Variants in FSTL4 observed in about 807,000 individuals in gnomAD.
FSTL4 encodes the protein follistatin-related protein 4.
Under a neutral mutation model 78.2 loss-of-function variants are expected in FSTL4, and 28 were observed. The observed-to-expected ratio is 0.36, with a 90% CI of 0.27 to 0.49. The LOEUF is 0.49. FSTL4 is among the 20% of genes least tolerant of loss of function. FSTL4 has a pLI of 0.98. For synonymous variants in FSTL4, 422 were observed against 440.5 expected, an observed-to-expected ratio of 0.96 and a Z score of 0.53; for missense variants, 922 against 1,084.9, an observed-to-expected ratio of 0.85 and a Z score of 2.11.
At chr5:133,830,068 C>T in the FSTL4 span, among the ~76,000 whole-genome samples, 1 of 152,176 alleles carries the variant, frequency 6.6e-6, no homozygotes, top group Non-Finnish European at 1.5e-5. Flanking sequence ...GAGGATGTTT[C>T]CCTGACATGC....
At chr5:133,660,711 T>A in the FSTL4 span, among the ~76,000 whole-genome samples, 1 of 152,232 alleles carries the variant, frequency 6.6e-6, no homozygotes. Context: ...ACTACTTTTC[T>A]ACAAAGCCTG....
At chr5:133,252,070 G>C (rs2126825533) in intron 6 of FSTL4, 1 of 152,444 alleles carries the variant, frequency 6.6e-6, no homozygotes, top group South Asian at 2.1e-4. Flanking sequence ...GAGAGCAGCT[G>C]GGACGTGGGG....
intron 11 of FSTL4, among the ~76,000 whole-genome samples, chr5:133,222,338 A>T (rs1751165439): frequency 6.6e-6 from 1 of 152,140 alleles, no homozygotes; most frequent in African/African-American, 2.4e-5. Context: ...GCCAAGAGTC[A>T]GTCTTAGCTC....
chr5:133,531,832 T>C (rs1031682949), intron 3 of FSTL4, among the ~76,000 whole-genome samples: 1 of 152,096 alleles, frequency 6.6e-6, no homozygotes, highest in African/African-American at 2.4e-5. Flanking sequence ...CTGGCATCCA[T>C]CCCCGTAGGA....
chr5:133,569,724 T>C (rs1760108566), intron 2 of FSTL4, among the ~76,000 whole-genome samples: 1 of 152,202 alleles, frequency 6.6e-6, no homozygotes, highest in South Asian at 2.1e-4. Context: ...ATGACTTACA[T>C]AGTAGATCTC....
At chr5:133,582,278 C>T (rs1008952380) in intron 2 of FSTL4, among the ~76,000 whole-genome samples, 3 of 152,188 alleles carry the variant, frequency 2.0e-5, no homozygotes, top group Non-Finnish European at 2.9e-5. Flanking sequence ...AGGGGCTCAC[C>T]TGCACCCCAG....
At chr5:133,520,866 A>C (rs1758965560) in intron 3 of FSTL4, among the ~76,000 whole-genome samples, 1 of 152,114 alleles carries the variant, frequency 6.6e-6, no homozygotes, top group Non-Finnish European at 1.5e-5. Flanking sequence ...GGTCTGAATC[A>C]CTGGAAAAGC....
the FSTL4 span, among the ~76,000 whole-genome samples, chr5:133,801,856 G>A: frequency 2.6e-5 from 4 of 152,220 alleles, no homozygotes; most frequent in Non-Finnish European, 4.4e-5. Context: ...GAGACCCTCA[G>A]TCATTGCCCC....
At chr5:133,826,016 C>T in the FSTL4 span, among the ~76,000 whole-genome samples, 1 of 152,224 alleles carries the variant, frequency 6.6e-6, no homozygotes, top group Admixed American at 6.5e-5. Flanking sequence ...GCCCCAAACA[C>T]CACCAACTTC....
At chr5:133,327,352 GTC>G (rs1442465472) in intron 4 of FSTL4, among the ~76,000 whole-genome samples, 1 of 152,198 alleles carries the variant, frequency 6.6e-6, no homozygotes, top group Non-Finnish European at 1.5e-5. Context: ...CATTTTAAGA[GTC>G]TGCTGATTCT....
At chr5:133,657,163 C>T in the FSTL4 span, among the ~76,000 whole-genome samples, 3,448 of 152,154 alleles carry the variant, frequency 0.023, 143 homozygotes, top group African/African-American at 0.078. Flanking sequence ...TGATGAAGTC[C>T]GCTACGCTGT....
intron 2 of FSTL4, among the ~76,000 whole-genome samples, chr5:133,572,426 A>G (rs543654391): frequency 2.0e-5 from 3 of 152,328 alleles, no homozygotes; most frequent in African/African-American, 7.2e-5. Context: ...GAATCCAATG[A>G]AAATATGGGT....
rs562850922 is a variant in FSTL4, at chr5:133,408,577, C to T, written c.161-7591G>A. Among the ~76,000 whole-genome samples the T allele has an allele frequency of 7.0e-3, 60 of 8,586 alleles. 1 individual carries two copies. Among genetic ancestry groups the T allele is most frequent in the Non-Finnish European group, 7.2e-3 (35 of 4,876 alleles). The allele number at this position is 8,586 out of a possible 152,430, so 5.6% of individuals were successfully genotyped here. ...CCTCTTCACTGAGGCGGGGGTGGAG[C>T]GGGGGCGGGGTGGGGTAGGGGGAGT... On this transcript the variant is annotated intron_variant, in intron 3 of 15. Coordinates refer to ENST00000265342, the MANE Select transcript of FSTL4 (RefSeq NM_015082.2).
chr5:133,781,927 T>A, the FSTL4 span, among the ~76,000 whole-genome samples: 1 of 152,242 alleles, frequency 6.6e-6, no homozygotes, highest in Non-Finnish European at 1.5e-5. Flanking sequence ...ACAAGAAATT[T>A]GATTAAGGAG....
chr5:133,275,642 C>T (rs1363991198), intron 6 of FSTL4: 2 of 152,134 alleles, frequency 1.3e-5, no homozygotes, highest in Non-Finnish European at 2.9e-5. Flanking sequence ...AGTGTGGACC[C>T]CTGTGTGACT....
At chr5:133,759,469 T>G in the FSTL4 span, among the ~76,000 whole-genome samples, 1 of 152,296 alleles carries the variant, frequency 6.6e-6, no homozygotes, top group African/African-American at 2.4e-5. Flanking sequence ...CCCAAAAAAT[T>G]CAGAAATGTG....
chr5:133,224,177 T>C lies in FSTL4; in HGVS notation c.1339+13A>G. On this transcript the variant is annotated intron_variant, in intron 11 of 15. Coordinates refer to ENST00000265342, the MANE Select transcript of FSTL4 (RefSeq NM_015082.2). ...TGATCACAGGCATGACGCAAAACAA[T>C]GAAGCTTGGTACCTTCCTCTCGCCA... 6.2e-7 allele frequency: 1 copy of C among 1,610,066 alleles called. No homozygotes were observed. The highest frequency in any genetic ancestry group is 8.5e-7 in the Non-Finnish European group (1 of 1,176,698).
chr5:133,305,507 G>C (rs1312862195), intron 6 of FSTL4, among the ~76,000 whole-genome samples: 1 of 152,090 alleles, frequency 6.6e-6, no homozygotes, highest in Non-Finnish European at 1.5e-5. Context: ...TATCCACTCC[G>C]ATGTCCCTTC....
chr5:133,522,321 T>C (rs1428254835), intron 3 of FSTL4, among the ~76,000 whole-genome samples: 5 of 152,200 alleles, frequency 3.3e-5, no homozygotes, highest in Non-Finnish European at 7.3e-5. Context: ...CCTATTAAAT[T>C]TCCCAAGAAA....
Sources: allele counts gnomAD v4.1 joint callset (sites outside exome capture counted in the v4.1 genomes callset), GRCh38; gene constraint gnomAD v4.1.1; transcripts MANE v1.5; gene names NCBI Gene and HGNC (gene_info 2026-07-23, HGNC 2026-07-21).